Variants in GRHL3 observed in about 807,000 individuals in gnomAD.
The protein encoded by GRHL3 is grainyhead like transcription factor 3.
Under a neutral mutation model 70.3 loss-of-function variants are expected in GRHL3, and 20 were observed. The ratio of observed to expected loss-of-function variants is 0.28; its 90% CI spans 0.20 to 0.41. The LOEUF is 0.41. GRHL3 is among the 10% of genes least tolerant of loss of function. The probability of loss-of-function intolerance (pLI) is 1.00; values close to 1 mark genes in which losing one functional copy is unlikely to be tolerated. For missense variants in GRHL3, 637 were observed against 762.3 expected (o/e 0.84, Z 1.94); for synonymous variants, 299 against 299.9 (o/e 1.00, Z 0.03).
At chr1:24,337,840 C>T in intron 6 of GRHL3, 51 bp downstream of exon 6, 1 of 1,610,862 alleles carries the variant, frequency 6.2e-7, no homozygotes, top group Non-Finnish European at 8.5e-7. Context: ...GCAAGATATA[C>T]CTCCTCCTTG....
intron 1 of GRHL3, among the ~76,000 whole-genome samples, chr1:24,327,581 G>A (rs1007960554): frequency 1.3e-5 from 2 of 152,188 alleles, no homozygotes; most frequent in African/African-American, 4.8e-5. Flanking sequence ...GGCTATCCAT[G>A]GCAGGTCTTC....
intron 15 of GRHL3, among the ~76,000 whole-genome samples, chr1:24,352,520 G>A (rs1191999602): frequency 6.6e-6 from 1 of 152,144 alleles, no homozygotes; most frequent in Non-Finnish European, 1.5e-5. Context: ...GGGGTCTGTG[G>A]GCCCATCTGG....
chr1:24,344,394 G>A (rs74868507), intron 11 of GRHL3, among the ~76,000 whole-genome samples: 1 of 150,866 alleles, frequency 6.6e-6, no homozygotes, highest in East Asian at 1.9e-4. Flanking sequence ...GGGAAGCTGA[G>A]GCCGCAGGAT....
At chr1:24,344,253 G>A (rs978748244) in intron 11 of GRHL3, among the ~76,000 whole-genome samples, 2 of 152,016 alleles carry the variant, frequency 1.3e-5, no homozygotes, top group African/African-American at 4.8e-5. Context: ...GCTCTCTCTA[G>A]GCCTCAGCTT....
chr1:24,358,673 A>G, downstream of GRHL3: 1 of 1,389,344 alleles, frequency 7.2e-7, no homozygotes, highest in Non-Finnish European at 1.0e-6. Context: ...CCATTGCTGC[A>G]GTCTCTGGCA....
intron 3 of GRHL3, among the ~76,000 whole-genome samples, chr1:24,335,014 AACACACACACACACACACACAC>A (rs35646472): frequency 3.7e-5 from 5 of 136,968 alleles, no homozygotes; most frequent in East Asian, 2.3e-4. Flanking sequence ...TCAGCTTGAA[AACACACACACACACACACACAC>A]ACACACACAC....
intron 1 of GRHL3, among the ~76,000 whole-genome samples, chr1:24,326,288 C>T (rs1013756362): frequency 1.3e-5 from 2 of 152,066 alleles, no homozygotes; most frequent in African/African-American, 4.8e-5. Flanking sequence ...CTTGCCTTTC[C>T]TTTGATCTGG....
In GRHL3 at chr1:24,354,679, C is replaced by A; in HGVS notation, c.*191C>A. The A allele has an allele frequency of 3.8e-6, 2 of 531,522 alleles. No individual in the cohort carries two copies. The highest frequency in any genetic ancestry group is 3.2e-5 in the East Asian group (1 of 30,876). The allele number at this position is 531,522 out of a possible 1,614,324, so 32.9% of individuals were successfully genotyped here. A position where few individuals can be genotyped will look rare whatever the true frequency, so the allele number is the denominator to read the frequency against. ...ACCTAGGGGGTCCCCTGGCCTGGATCCCCATGGTATGCTTGAATCTGCTCC... is the reference window on the plus strand; with the variant it reads ...ACCTAGGGGGTCCCCTGGCCTGGATACCCATGGTATGCTTGAATCTGCTCC... On this transcript the variant is annotated 3_prime_UTR_variant, in exon 16 of 16. Coordinates refer to ENST00000361548, the MANE Select transcript of GRHL3 (RefSeq NM_198173.3).
chr1:24,356,539 A>C (rs1249694922), downstream of GRHL3, among the ~76,000 whole-genome samples: 2 of 152,200 alleles, frequency 1.3e-5, no homozygotes, highest in African/African-American at 2.4e-5. Context: ...GTGTCCGGCC[A>C]CATTTATCTT....
At position 24,337,084 on chromosome 1, in the gene GRHL3, C is replaced by T. The variant is rs776206679; in HGVS notation, c.619C>T (p.Leu207Phe). The change falls in exon 5 of 16, where the codon CTC (leucine) becomes TTC (phenylalanine). Residue 207 changes from leucine to phenylalanine, a missense_variant. This residue lies in a region of GRHL3 where 387 missense variants were observed against 513.8 expected (regional missense o/e 0.75). Transcript: ENST00000361548. ...TFKDDPQESMLFPDILKTSPE... is the reference protein window; with the variant it reads ...TFKDDPQESMFFPDILKTSPE... ...GGGCTGTGTTTCTCTGCAGTCGATG[C>T]TCTTCCCAGATATCCTGAAAACCTC... is the stretch of plus-strand genomic sequence containing the variant. The T allele has an allele frequency of 7.4e-6, 12 of 1,613,954 alleles. No homozygotes were observed. Among genetic ancestry groups the T allele is most frequent in the Non-Finnish European group, 9.3e-6 (11 of 1,179,832 alleles).
intron 2 of GRHL3, among the ~76,000 whole-genome samples, chr1:24,331,968 C>T (rs1374946209): frequency 6.6e-6 from 1 of 152,178 alleles, no homozygotes; most frequent in Non-Finnish European, 1.5e-5. Flanking sequence ...AGGATCATTA[C>T]TGAGTCTTCA....
chr1:24,320,099 C>T (rs1557687117), intron 1 of GRHL3, among the ~76,000 whole-genome samples: 2 of 152,146 alleles, frequency 1.3e-5, no homozygotes, highest in Non-Finnish European at 2.9e-5. Context: ...AGGCTCTGTC[C>T]CTGGGTGATC....
chr1:24,339,647 T>C, intron 7 of GRHL3, 21 bp from the exon 8 acceptor site: 1 of 1,571,032 alleles, frequency 6.4e-7, no homozygotes, highest in Non-Finnish European at 8.7e-7. Flanking sequence ...TGATTCTCCT[T>C]CTGGTCTCCT....
chr1:24,336,109 T>C (rs1639799055), intron 3 of GRHL3, among the ~76,000 whole-genome samples: 1 of 152,294 alleles, frequency 6.6e-6, no homozygotes, highest in East Asian at 1.9e-4. Flanking sequence ...CTCCCCACTT[T>C]GTACACACCC....
Position 24,346,620 on chromosome 1 carries a change from A to G in GRHL3, c.1522A>G (p.Lys508Glu). The change falls in exon 13 of 16, where the codon AAG (lysine) becomes GAG (glutamate). Residue 508 changes from lysine (K) to glutamate (E), a missense_variant. Coordinates refer to ENST00000361548, the MANE Select transcript of GRHL3 (RefSeq NM_198173.3). ...TGAGCCTCTGCCCTCCAAGCAGGCC[A>G]AGGAAGGCGACCTTCAGAGAGGTGA... ...EFEPLPSKQA[K>E]EGDLQRVLLY... 6.2e-7 allele frequency: 1 copy of G among 1,612,730 alleles called. No individual in the cohort carries two copies. The highest frequency in any genetic ancestry group is 1.3e-5 in the African/African-American group (1 of 75,026).
At chr1:24,357,699 T>G (rs1422855607), downstream of GRHL3, 1 of 166,332 alleles carries the variant, frequency 6.0e-6, no homozygotes, top group Non-Finnish European at 1.4e-5. Flanking sequence ...GCCTGGCAGC[T>G]CCCCACCCAC....
chr1:24,336,402 T>C (rs1639812637), intron 3 of GRHL3, 80 bp from the exon 4 acceptor site: 1 of 864,732 alleles, frequency 1.2e-6, no homozygotes, highest in Non-Finnish European at 1.8e-6. Flanking sequence ...GGCCAGTGTG[T>C]CAGTTGCCTT....
chr1:24,354,031 G>A (rs1640618650), intron 15 of GRHL3, among the ~76,000 whole-genome samples: 1 of 152,174 alleles, frequency 6.6e-6, no homozygotes, highest in Admixed American at 6.5e-5. Context: ...CCTCAATATG[G>A]TGACTAAGGG....
At chr1:24,339,788 A>C (rs751237045) in intron 8 of GRHL3, 26 bp downstream of exon 8, 2 of 1,520,480 alleles carry the variant, frequency 1.3e-6, no homozygotes, top group South Asian at 2.3e-5. Flanking sequence ...AGTGGCTGGG[A>C]TGGGACTGGG....
Sources: allele counts gnomAD v4.1 joint callset (sites outside exome capture counted in the v4.1 genomes callset), GRCh38; gene constraint gnomAD v4.1.1; regional missense constraint gnomAD v4.1.1; transcripts MANE v1.5; gene names NCBI Gene and HGNC (gene_info 2026-07-23, HGNC 2026-07-21).